KCNQ2: variants seen among roughly 807,000 people sequenced by gnomAD.
KCNQ2 encodes potassium voltage-gated channel subfamily KQT member 2.
KCNQ2 carries 14 observed loss-of-function variants against 84.8 expected under a neutral mutation model. The observed-to-expected ratio is 0.17, with a 90% confidence interval of 0.11 to 0.26. KCNQ2 has a LOEUF of 0.26. KCNQ2 is among the 10% of genes least tolerant of loss of function. The probability of loss-of-function intolerance (pLI) is 1.00; values close to 1 mark genes in which losing one functional copy is unlikely to be tolerated. For synonymous variants in KCNQ2, 599 were observed against 554.1 expected (o/e 1.08, Z -1.14); for missense variants, 788 against 1,254.0 (o/e 0.63, Z 5.61).
chr20:63,432,016 A>ACAGGAAAGGCCCCACCCT (rs2080812362), intron 8 of KCNQ2, among the ~76,000 whole-genome samples: 1 of 73,074 alleles, frequency 1.4e-5, no homozygotes, highest in Admixed American at 1.5e-4. Flanking sequence ...GGCCCCATCC[A>ACAGGAAAGGCCCCACCCT]CAGGGAAGGC....
intron 7 of KCNQ2, among the ~76,000 whole-genome samples, chr20:63,436,868 C>T (rs943687424): frequency 1.3e-5 from 2 of 150,946 alleles, no homozygotes; most frequent in South Asian, 2.1e-4. Flanking sequence ...CCTCCGTCTC[C>T]CGGGTTCAAG....
chr20:63,455,568 C>T lies in KCNQ2; in HGVS notation c.297-8731G>A, dbSNP rs184841463. 6.5e-3 allele frequency among the ~76,000 whole-genome samples: 987 copies of T among 152,166 alleles called. 6 individuals carry two copies. The highest frequency in any genetic ancestry group is 0.014 in the Middle Eastern group (4 of 294). On this transcript the variant is annotated intron_variant, in intron 1 of 16. Coordinates refer to ENST00000359125, the MANE Select transcript of KCNQ2 (RefSeq NM_172107.4). ...GGGATCTCCTCCTGGGACCTGGGAC[C>T]CAAGTGCAAAGAGGAGAAGTTGGGG...
intron 1 of KCNQ2, among the ~76,000 whole-genome samples, chr20:63,451,597 C>A (rs933346333): frequency 3.9e-5 from 6 of 152,302 alleles, no homozygotes; most frequent in African/African-American, 1.4e-4. Context: ...GTGCAAAGTG[C>A]CTCCAGGACC....
rs553213732 is a variant in KCNQ2, at chr20:63,469,712, C to T, written c.296+2456G>A. On this transcript the variant is annotated intron_variant, in intron 1 of 16. Coordinates refer to ENST00000359125, the MANE Select transcript of KCNQ2 (RefSeq NM_172107.4). ...GGAGCCCTGGCCTTCCCCCCACTCC[C>T]GGCTGCCCCAGGCCCAACTGAGCTC... Among the ~76,000 whole-genome samples, 41 of 152,382 alleles carry T rather than the reference C, an allele frequency of 2.7e-4. 1 individual carries two copies. In the East Asian group the frequency reaches 4.4e-3, roughly 16 times the overall value.
At chr20:63,426,027 G>A (rs2080620837) in intron 10 of KCNQ2, among the ~76,000 whole-genome samples, 2 of 152,320 alleles carry the variant, frequency 1.3e-5, no homozygotes, top group East Asian at 1.9e-4. Flanking sequence ...TCTCAGCCCC[G>A]CCGGCCTCTG....
At chr20:63,462,396 A>AGGC (rs2081980683) in intron 1 of KCNQ2, among the ~76,000 whole-genome samples, 3 of 150,606 alleles carry the variant, frequency 2.0e-5, no homozygotes, top group African/African-American at 7.4e-5. Flanking sequence ...AGCAGGGAGG[A>AGGC]AAATGCACCT....
intron 10 of KCNQ2, among the ~76,000 whole-genome samples, chr20:63,427,760 G>A (rs1203770492): frequency 1.3e-5 from 2 of 152,194 alleles, no homozygotes; most frequent in African/African-American, 4.8e-5. Flanking sequence ...ATCTGAGATC[G>A]TCCTGATAGG....
In KCNQ2 at chr20:63,407,146, G is replaced by T. The variant is rs980128101; in HGVS notation, c.2117C>A (p.Ala706Asp). The T allele has an allele frequency of 2.5e-6, 4 of 1,578,212 alleles. No homozygotes were observed. In the African/African-American group the frequency reaches 4.0e-5, roughly 16 times the overall value. The change falls in exon 17 of 17, where the codon GCC becomes GAC. Residue 706 changes from alanine to aspartate, a missense_variant. Ala to Asp is a moderately radical substitution (Grantham distance 126). This residue lies in a region of KCNQ2 where 378 missense variants were observed against 434.5 expected (regional missense o/e 0.87). Coordinates refer to ENST00000359125, the MANE Select transcript of KCNQ2 (RefSeq NM_172107.4). This position sits in a 1 kb window ranked among gnomAD's most constrained non-coding sequence, Gnocchi z 7.2. ...GGGCGGACACTGGACAGGGGGCGCG[G>T]CCGGGGGCGCCGAGAAGTTCTTCTG... ...TGQKNFSAPPAAPPVQCPPST... is the reference protein window; with the variant it reads ...TGQKNFSAPPDAPPVQCPPST...
intron 1 of KCNQ2, chr20:63,461,079 C>T (rs2145866243): frequency 6.6e-6 from 1 of 152,372 alleles, no homozygotes; most frequent in East Asian, 1.9e-4. Context: ...AACGTCCTTC[C>T]CTGTTTTCCA....
intron 10 of KCNQ2, 82 bp from the exon 11 acceptor site, chr20:63,424,288 T>C: frequency 6.8e-7 from 1 of 1,465,254 alleles, no homozygotes; most frequent in South Asian, 1.2e-5. Context: ...CCCCCCACAG[T>C]CCCATGGGTC....
chr20:63,427,712 G>A (rs12479906), intron 10 of KCNQ2, among the ~76,000 whole-genome samples: 12,456 of 152,254 alleles, frequency 0.082, 617 homozygotes, highest in Admixed American at 0.14. Context: ...AAGGACACTC[G>A]TTGTTGGACT....
intron 7 of KCNQ2, among the ~76,000 whole-genome samples, chr20:63,435,423 G>A (rs577894694): frequency 1.3e-5 from 2 of 150,228 alleles, no homozygotes; most frequent in African/African-American, 2.4e-5. Flanking sequence ...CCATCCTAAC[G>A]TGGAGCCTGA....
At chr20:63,469,782 C>T (rs1367991741) in intron 1 of KCNQ2, among the ~76,000 whole-genome samples, 1 of 152,266 alleles carries the variant, frequency 6.6e-6, no homozygotes, top group Admixed American at 6.5e-5. Flanking sequence ...TGCTGCCTAA[C>T]ACGCCACACG....
chr20:63,445,051 C>T (rs987712732), intron 3 of KCNQ2, among the ~76,000 whole-genome samples, 187 bp downstream of exon 3: 5 of 152,188 alleles, frequency 3.3e-5, no homozygotes, highest in African/African-American at 1.2e-4. Flanking sequence ...CATTCCTCTT[C>T]CTGACATTTA....
rs748400155 is a variant in KCNQ2 at position 63,406,934 on chromosome 20, G to A, written c.2329C>T (p.Pro777Ser). The A allele has an allele frequency of 2.4e-5, 38 of 1,598,814 alleles. No individual in the cohort carries two copies. Among genetic ancestry groups the A allele is most frequent in the Middle Eastern group, 1.6e-4 (1 of 6,062 alleles). ...TCGCTGTCCCGCAGGTTCCCCTCGGGGGGCCTGCAGCCCGGGGTGTCCTCC... is the reference window on the plus strand; with the variant it reads ...TCGCTGTCCCGCAGGTTCCCCTCGGAGGGCCTGCAGCCCGGGGTGTCCTCC... ...RQEDTPGCRP[P>S]EGNLRDSDTS... The change falls in exon 17 of 17, where the codon CCC becomes TCC. Residue 777 changes from proline to serine, a missense_variant. Physicochemically the swap from Pro to Ser is moderately conservative, Grantham distance 74. This residue lies in a region of KCNQ2 where 378 missense variants were observed against 434.5 expected (regional missense o/e 0.87). Transcript: ENST00000359125.
intron 9 of KCNQ2, among the ~76,000 whole-genome samples, chr20:63,428,773 G>A (rs2080708504): frequency 6.6e-6 from 1 of 152,256 alleles, no homozygotes; most frequent in East Asian, 1.9e-4. Flanking sequence ...AGGGGGAGGC[G>A]CTACTCCCCC....
intron 7 of KCNQ2, 32 bp from the exon 8 acceptor site, chr20:63,433,935 G>A: frequency 2.5e-6 from 4 of 1,604,876 alleles, no homozygotes; most frequent in Non-Finnish European, 3.4e-6. Flanking sequence ...AGTTGGCGAG[G>A]GGCAGGCGGC....
chr20:63,419,895 T>TC (rs1471505292), intron 11 of KCNQ2, among the ~76,000 whole-genome samples: 2 of 152,136 alleles, frequency 1.3e-5, no homozygotes, highest in Admixed American at 6.5e-5. Context: ...GTTTTTTTTT[T>TC]CCTCCAAAAA....
chr20:63,419,625 C>G lies in KCNQ2; in HGVS notation c.1295G>C (p.Arg432Pro). The G allele has an allele frequency of 1.2e-6, 2 of 1,610,488 alleles. No homozygotes were observed. The highest frequency in any genetic ancestry group is 1.7e-4 in the Middle Eastern group (1 of 5,926). Residue 432 changes from arginine (R) to proline (P), a missense_variant, in exon 12 of 17, where the codon CGC (arginine) becomes CCC (proline). Transcript: ENST00000359125. ...GCGGCGTGTTCCGCGGTACCTAGAGCGTCCGGGGCAGCATCCACACAGGGG... is the reference window on the plus strand; with the variant it reads ...GCGGCGTGTTCCGCGGTACCTAGAGGGTCCGGGGCAGCATCCACACAGGGG... ...RGPLCGCCPG[R>P]SSQKVSLKDR... is the part of the protein sequence containing the mutation.
Sources: gnomAD v4.1 joint callset for allele counts (sites outside exome capture counted in the v4.1 genomes callset) on GRCh38, gnomAD v4.1.1 for gene constraint, gnomAD v4.1.1 regional missense constraint, Gnocchi (gnomAD v3.1) non-coding constraint, MANE v1.5 for transcripts, NCBI Gene and HGNC (gene_info 2026-07-23, HGNC 2026-07-21) for gene names.